PAPOLA: variants seen among roughly 807,000 people sequenced by gnomAD.
PAPOLA encodes poly(A) polymerase alpha, also known as polynucleotide adenylyltransferase alpha.
In PAPOLA, 15 loss-of-function variants were observed where a neutral mutation model predicts 100.6. That is an observed-to-expected ratio of 0.15 (90% CI 0.10 to 0.23). The LOEUF is 0.23. Ranked by LOEUF, PAPOLA falls within the 10% of genes least tolerant of loss-of-function variation. The probability of loss-of-function intolerance (pLI) is 1.00; values close to 1 mark genes in which losing one functional copy is unlikely to be tolerated. For synonymous variants in PAPOLA, 293 were observed against 300.0 expected, an observed-to-expected ratio of 0.98 and a Z score of 0.24; for missense variants, 533 against 884.2, an observed-to-expected ratio of 0.60 and a Z score of 5.04.
At chr14:96,525,198 A>G (rs1220708267) in intron 3 of PAPOLA, 112 bp from the exon 4 acceptor site, 2 of 637,094 alleles carry the variant, frequency 3.1e-6, no homozygotes, top group African/African-American at 1.9e-5. Context: ...TACCCTTTAT[A>G]TAAATTTACA....
In PAPOLA at chr14:96,520,832, A is replaced by AAGAGAGAGAGAGAGAAAGCG. The variant is rs1555391809; in HGVS notation, c.183-163_183-144dup. ...AACAGTGCCTGTATATATATATAGA[A>AAGAGAGAGAGAGAGAAAGCG]AGAGAGAGAGAGAGAAAGCGAGAGA... is the stretch of plus-strand genomic sequence containing the variant. On this transcript the variant is annotated intron_variant, in intron 2 of 21. Coordinates refer to ENST00000216277, the MANE Select transcript of PAPOLA (RefSeq NM_032632.5). 14 of 520,174 alleles carry AAGAGAGAGAGAGAGAAAGCG rather than the reference A, an allele frequency of 2.7e-5. No individual in the cohort carries two copies. In the East Asian group the frequency reaches 4.7e-4, roughly 17 times the overall value. 32.2% of individuals were successfully genotyped at this position (520,174 alleles called of 1,614,324 possible).
intron 8 of PAPOLA, 29 bp from the exon 9 acceptor site, chr14:96,532,482 T>C: frequency 6.2e-7 from 1 of 1,606,312 alleles, no homozygotes; most frequent in Non-Finnish European, 8.5e-7. Flanking sequence ...CAACACTAAC[T>C]TATCTTTTTG....
chr14:96,534,262 A>G, intron 9 of PAPOLA: 4 of 1,345,344 alleles, frequency 3.0e-6, no homozygotes, highest in Non-Finnish European at 3.8e-6. Flanking sequence ...GTGGCAGAGA[A>G]CGTTTTTGGT....
chr14:96,565,548 G>T lies in PAPOLA; in HGVS notation c.*498G>T, dbSNP rs1902206131. 1.3e-5 allele frequency: 5 copies of T among 396,034 alleles called. No homozygotes were observed. Among genetic ancestry groups the T allele is most frequent in the Non-Finnish European group, 1.3e-5 (3 of 223,896 alleles). 24.5% of individuals were successfully genotyped at this position (396,034 alleles called of 1,614,324 possible). ...GGATACTGTTGTGCAGTGGTGTACT[G>T]TTATACTTCAGAGAAAGGGTAAGAG... On this transcript the variant is annotated 3_prime_UTR_variant, in exon 22 of 22. Coordinates refer to ENST00000216277, the MANE Select transcript of PAPOLA (RefSeq NM_032632.5).
intron 1 of PAPOLA, among the ~76,000 whole-genome samples, chr14:96,509,467 T>C (rs1424681888): frequency 6.6e-6 from 1 of 152,254 alleles, no homozygotes; most frequent in Admixed American, 6.5e-5. Context: ...TAACATATAG[T>C]GTATACTTGT....
At chr14:96,532,305 T>TG (rs776874443) in intron 7 of PAPOLA, 26 bp from the exon 8 acceptor site, 9 of 1,550,236 alleles carry the variant, frequency 5.8e-6, no homozygotes, top group Non-Finnish European at 7.9e-6. Flanking sequence ...TGTGTGTGTG[T>TG]GTTTTTTTTT....
Position 96,502,524 on chromosome 14 carries a change from T to C in PAPOLA, c.-69T>C. 7.6e-7 allele frequency: 1 copy of C among 1,307,390 alleles called. No individual in the cohort carries two copies. Among genetic ancestry groups the C allele is most frequent in the Non-Finnish European group, 1.1e-6 (1 of 935,468 alleles). 81.0% of individuals were successfully genotyped at this position (1,307,390 alleles called of 1,614,324 possible). ...CCCCCCTCCCTCCCGCCTCAGTGGATCATGCCCAGGGCGGCAGCGGCGGCG... is the reference window on the plus strand; with the variant it reads ...CCCCCCTCCCTCCCGCCTCAGTGGACCATGCCCAGGGCGGCAGCGGCGGCG... On this transcript the variant is annotated 5_prime_UTR_variant, in exon 1 of 22. Transcript: ENST00000216277.
At chr14:96,559,168 C>T in intron 19 of PAPOLA, among the ~76,000 whole-genome samples, 1 of 151,936 alleles carries the variant, frequency 6.6e-6, no homozygotes, top group East Asian at 1.9e-4. Context: ...GAAGAACTTG[C>T]TGTTTAGTGG....
chr14:96,535,884 C>G lies in PAPOLA; in HGVS notation c.915C>G (p.Asn305Lys). 6.3e-7 allele frequency: 1 copy of G among 1,588,174 alleles called. No individual in the cohort carries two copies. The change falls in exon 11 of 22, where the codon AAC (asparagine) becomes AAG (lysine). Residue 305 changes from asparagine to lysine, a missense_variant. This residue lies in a region of PAPOLA where 87 missense variants were observed against 173.3 expected (regional missense o/e 0.50). Coordinates refer to ENST00000216277, the MANE Select transcript of PAPOLA (RefSeq NM_032632.5). The part of the protein sequence containing the change: ...LNLPVWDPRV[N>K]PSDRYHLMPI... The stretch of plus-strand genomic sequence containing the variant: ...TTGGCTGTTGTTGTATGTAGGTAAA[C>G]CCCAGTGATAGGTACCATCTTATGC...
At chr14:96,506,950 T>C (rs1409173236) in intron 1 of PAPOLA, among the ~76,000 whole-genome samples, 2 of 152,312 alleles carry the variant, frequency 1.3e-5, no homozygotes, top group African/African-American at 4.8e-5. Context: ...AGACTACTCA[T>C]ATTAATTGAA....
intron 1 of PAPOLA, among the ~76,000 whole-genome samples, chr14:96,507,940 A>G (rs1896844090): frequency 1.3e-5 from 2 of 152,144 alleles, no homozygotes; most frequent in Admixed American, 1.3e-4. Context: ...TAGTGGTGCT[A>G]GCTCGGCTCA....
At chr14:96,542,432 G>T (rs1292390369) in intron 13 of PAPOLA, 136 bp downstream of exon 13, 1 of 604,968 alleles carries the variant, frequency 1.7e-6, no homozygotes, top group Non-Finnish European at 2.9e-6. Flanking sequence ...GAGCTTTACT[G>T]TGTGTAGTGG....
chr14:96,526,500 T>A (rs1364339459), intron 4 of PAPOLA: 1 of 152,278 alleles, frequency 6.6e-6, no homozygotes, highest in African/African-American at 2.4e-5. Flanking sequence ...GCCTGGCTAA[T>A]TTTTTAATTT....
At chr14:96,539,799 A>G (rs1018974328) in intron 12 of PAPOLA, among the ~76,000 whole-genome samples, 2 of 152,192 alleles carry the variant, frequency 1.3e-5, no homozygotes, top group Non-Finnish European at 2.9e-5. Flanking sequence ...ATTGAGTACC[A>G]ATCCTGGTTT....
At chr14:96,533,224 A>T (rs2140286090) in intron 9 of PAPOLA, 1 of 983,442 alleles carries the variant, frequency 1.0e-6, no homozygotes, top group Admixed American at 6.1e-5. Context: ...ATGATTTAAG[A>T]AAAAGTAGAA....
chr14:96,563,738 T>C (rs1245203117), intron 21 of PAPOLA, among the ~76,000 whole-genome samples: 4 of 152,194 alleles, frequency 2.6e-5, no homozygotes, highest in Admixed American at 1.3e-4. Context: ...ATAAATATTA[T>C]GTTTAGTTTC....
At position 96,525,351 on chromosome 14, in the gene PAPOLA, T is replaced by C; in HGVS notation, c.291T>C (p.Ile97=). 2.6e-6 allele frequency: 4 copies of C among 1,522,686 alleles called. No individual in the cohort carries two copies. The highest frequency in any genetic ancestry group is 3.6e-6 in the Non-Finnish European group (4 of 1,108,866). The allele number at this position is 1,522,686 out of a possible 1,614,324, so 94.3% of individuals were successfully genotyped here. The change falls in exon 4 of 22, where the codon ATT becomes ATC. Residue 97 remains isoleucine (I), a synonymous_variant. Coordinates refer to ENST00000216277, the MANE Select transcript of PAPOLA (RefSeq NM_032632.5). ...QSVIENVGGK[I]FTFGSYRLGV... is the part of the protein sequence containing the mutation. ...TAATTGAAAATGTTGGAGGAAAAAT[T>C]TTTACATTTGGATCTTACAGATTAG...
intron 19 of PAPOLA, among the ~76,000 whole-genome samples, chr14:96,557,584 T>C (rs1481068674): frequency 6.6e-6 from 1 of 151,428 alleles, no homozygotes; most frequent in Non-Finnish European, 1.5e-5. Context: ...TTTTTTTTGC[T>C]AAGAATGTAT....
At chr14:96,524,974 G>A (rs1212001388) in intron 3 of PAPOLA, among the ~76,000 whole-genome samples, 1 of 152,130 alleles carries the variant, frequency 6.6e-6, no homozygotes, top group Non-Finnish European at 1.5e-5. Flanking sequence ...TTTATATACA[G>A]CATCTTTGTC....
Sources: gnomAD v4.1 joint callset for allele counts (sites outside exome capture counted in the v4.1 genomes callset) on GRCh38, gnomAD v4.1.1 for gene constraint, gnomAD v4.1.1 regional missense constraint, MANE v1.5 for transcripts, NCBI Gene and HGNC (gene_info 2026-07-23, HGNC 2026-07-21) for gene names.